Variants in LPP observed in about 807,000 individuals in gnomAD.
LPP encodes LIM domain containing preferred translocation partner in lipoma, also known as lipoma-preferred partner.
In LPP, 38 loss-of-function variants were observed where a neutral mutation model predicts 60.4. That is an observed-to-expected ratio of 0.63 (90% CI 0.49 to 0.83). The LOEUF is 0.83. Ranked by LOEUF, LPP falls within the 40% of genes least tolerant of loss-of-function variation. The probability of loss-of-function intolerance (pLI) is 0.00; values close to 1 mark genes in which losing one functional copy is unlikely to be tolerated. For missense variants in LPP, 902 were observed against 783.6 expected (o/e 1.15, Z -1.80); for synonymous variants, 328 against 290.8 (o/e 1.13, Z -1.30).
At chr3:188,827,727 G>A (rs949841741) in intron 9 of LPP, among the ~76,000 whole-genome samples, 3 of 152,090 alleles carry the variant, frequency 2.0e-5, no homozygotes, top group Admixed American at 1.3e-4. Context: ...CCTTTCTCCA[G>A]CATGTAACAG....
intron 2 of LPP, among the ~76,000 whole-genome samples, chr3:188,308,966 C>G (rs1045007013): frequency 6.6e-6 from 1 of 151,494 alleles, no homozygotes; most frequent in African/African-American, 2.4e-5. Flanking sequence ...TCTCCCTTCT[C>G]CTTTCTCCTT....
Position 188,825,269 on chromosome 3 carries a change from CTGTGTGTGTGTG to C in LPP, c.1411-40895_1411-40884del, listed in dbSNP as rs3057956. On this transcript the variant is annotated intron_variant, in intron 9 of 11. Coordinates refer to ENST00000617246, the MANE Select transcript of LPP (RefSeq NM_001375462.1). ...TCTTTCTCTCTCTCTCTCTCTCTCTCTGTGTGTGTGTGTGTGTGTGTGTGTGTGTGTGTGTGT... is the reference window on the plus strand; with the variant it reads ...TCTTTCTCTCTCTCTCTCTCTCTCTCTGTGTGTGTGTGTGTGTGTGTGTGT... Among the ~76,000 whole-genome samples the C allele has an allele frequency of 2.4e-3, 248 of 101,748 alleles. 3 individuals are homozygous for C. Among genetic ancestry groups the C allele is most frequent in the African/African-American group, 8.5e-3 (216 of 25,418 alleles). The allele number at this position is 101,748 out of a possible 152,430, so 66.8% of individuals were successfully genotyped here.
chr3:188,871,026 G>A (rs1005200227), intron 10 of LPP, among the ~76,000 whole-genome samples: 1 of 151,970 alleles, frequency 6.6e-6, no homozygotes, highest in East Asian at 1.9e-4. Flanking sequence ...ACTCAGAGAT[G>A]GAGCAAAGTC....
rs147739054 is a variant in LPP at position 188,684,148 on chromosome 3, A to G, written c.1114-24119A>G. On this transcript the variant is annotated intron_variant, in intron 7 of 11. Transcript: ENST00000617246. ...CACTGAGTTGATATTCAGTCAATAA[A>G]CAGTCTAATCTCGGTTAAATGTTTG... is the stretch of plus-strand genomic sequence containing the variant. Among the ~76,000 whole-genome samples the G allele has an allele frequency of 5.3e-5, 8 of 152,356 alleles. No individual in the cohort carries two copies. The East Asian group carries it at 1.5e-3, about 29-fold the overall frequency.
Position 188,233,454 on chromosome 3 carries a change from C to T in LPP, c.-67+7927C>T, listed in dbSNP as rs78857575. Among the ~76,000 whole-genome samples, 759 of 152,222 alleles carry T rather than the reference C, an allele frequency of 5.0e-3. 4 individuals carry two copies. Among genetic ancestry groups the T allele is most frequent in the Non-Finnish European group, 8.2e-3 (555 of 68,004 alleles). ...CTTCTTCAGGATGAGATCACCTCAC[C>T]GTGGTTCAATGCCAACTGGTTTGAG... On this transcript the variant is annotated intron_variant, in intron 2 of 11. Coordinates refer to ENST00000617246, the MANE Select transcript of LPP (RefSeq NM_001375462.1).
At chr3:188,454,525 C>T (rs1295177202) in intron 4 of LPP, among the ~76,000 whole-genome samples, 1 of 152,068 alleles carries the variant, frequency 6.6e-6, no homozygotes. Flanking sequence ...GAAAACAACT[C>T]CAGTTTTATG....
At chr3:188,781,840 T>A (rs1739831573) in intron 9 of LPP, among the ~76,000 whole-genome samples, 1 of 147,684 alleles carries the variant, frequency 6.8e-6, no homozygotes, top group Admixed American at 6.8e-5. Flanking sequence ...TGCAGTGAGC[T>A]GAGATCATGC....
chr3:188,402,812 G>A (rs184268366), intron 3 of LPP, among the ~76,000 whole-genome samples: 3 of 152,288 alleles, frequency 2.0e-5, no homozygotes, highest in East Asian at 1.9e-4. Flanking sequence ...TAAGTATGCC[G>A]AAAGTACTAA....
intron 8 of LPP, among the ~76,000 whole-genome samples, chr3:188,752,372 T>C (rs552702201): frequency 6.6e-6 from 1 of 152,258 alleles, no homozygotes; most frequent in Admixed American, 6.5e-5. Flanking sequence ...CTCAGAAAAT[T>C]TAGGAAACTT....
chr3:188,165,537 T>C (rs765667965), intron 1 of LPP, among the ~76,000 whole-genome samples: 1 of 152,062 alleles, frequency 6.6e-6, no homozygotes, highest in Non-Finnish European at 1.5e-5. Flanking sequence ...AGGGTCTACA[T>C]TGAGAGAAAC....
chr3:188,751,467 G>A (rs917930807), intron 8 of LPP, among the ~76,000 whole-genome samples: 1 of 152,228 alleles, frequency 6.6e-6, no homozygotes, highest in African/African-American at 2.4e-5. Context: ...ATGTCCATGT[G>A]TAAAAATTAA....
intron 6 of LPP, among the ~76,000 whole-genome samples, chr3:188,601,343 A>G (rs918896310): frequency 1.3e-5 from 2 of 152,192 alleles, no homozygotes; most frequent in African/African-American, 4.8e-5. Flanking sequence ...GGTCATTTCC[A>G]TAGGCTAAAT....
At chr3:188,871,416 A>G (rs1768056496) in intron 10 of LPP, among the ~76,000 whole-genome samples, 1 of 152,210 alleles carries the variant, frequency 6.6e-6, no homozygotes, top group Non-Finnish European at 1.5e-5. Context: ...CACAGCAATC[A>G]ATTGATCTGC....
intron 1 of LPP, among the ~76,000 whole-genome samples, chr3:188,162,912 T>C (rs1331948291): frequency 6.6e-6 from 1 of 152,210 alleles, no homozygotes; most frequent in African/African-American, 2.4e-5. Flanking sequence ...GCTCCCTTGG[T>C]GGTCACAGGC....
chr3:188,176,182 A>G (rs550673629), intron 1 of LPP, among the ~76,000 whole-genome samples: 1 of 152,284 alleles, frequency 6.6e-6, no homozygotes, highest in South Asian at 2.1e-4. Flanking sequence ...GCCCCGTCTC[A>G]GAGGTTCTGA....
Position 188,873,249 on chromosome 3 carries a change from C to T in LPP, c.1710+486C>T, listed in dbSNP as rs1338953663. On this transcript the variant is annotated intron_variant, in intron 11 of 11. Transcript: ENST00000617246. The stretch of plus-strand genomic sequence containing the variant: ...TTCTTTTCAGTAAAGCCAAACTTCC[C>T]GCAGAGTATAACCATTGCTGCTATT... Among the ~76,000 whole-genome samples the T allele has an allele frequency of 2.6e-5, 4 of 152,220 alleles. No homozygotes were observed. The East Asian group carries it at 5.8e-4, about 22-fold the overall frequency.
At chr3:188,467,205 G>GT (rs1237170425) in intron 4 of LPP, among the ~76,000 whole-genome samples, 1 of 151,828 alleles carries the variant, frequency 6.6e-6, no homozygotes, top group Non-Finnish European at 1.5e-5. Flanking sequence ...TTAAATAGGG[G>GT]TTTTTTGTTT....
chr3:188,435,257 A>G (rs1217245602), intron 4 of LPP, among the ~76,000 whole-genome samples: 1 of 152,166 alleles, frequency 6.6e-6, no homozygotes, highest in Non-Finnish European at 1.5e-5. Flanking sequence ...CAAAGAATGG[A>G]GTCTTAATTG....
intron 6 of LPP, among the ~76,000 whole-genome samples, chr3:188,607,983 A>G (rs1842858949): frequency 6.6e-6 from 1 of 152,176 alleles, no homozygotes; most frequent in Admixed American, 6.5e-5. Flanking sequence ...TTCAACATGT[A>G]AAGCTCTGTG....
Sources: gnomAD v4.1 joint callset for allele counts (sites outside exome capture counted in the v4.1 genomes callset) on GRCh38, gnomAD v4.1.1 for gene constraint, MANE v1.5 for transcripts, NCBI Gene and HGNC (gene_info 2026-07-23, HGNC 2026-07-21) for gene names.